The following C11orf65 variants were observed in gnomAD, a reference collection of about 807,000 sequenced individuals.
The protein encoded by C11orf65 is chromosome 11 open reading frame 65.
C11orf65 carries 38 observed loss-of-function variants against 35.3 expected under a neutral mutation model. The observed-to-expected ratio is 1.08, with a 90% CI of 0.83 to 1.41. The LOEUF (loss-of-function observed/expected upper bound fraction) is 1.41, where lower values mean the gene tolerates loss of function less well. Among genes scored for constraint, C11orf65 ranks in the 40% most tolerant of loss-of-function variants. C11orf65 has a pLI of 0.00. For missense variants in C11orf65, 370 were observed against 367.1 expected (o/e 1.01, Z -0.06); for synonymous variants, 105 against 114.4 (o/e 0.92, Z 0.53).
At chr11:108,344,878 C>T (rs975510171) in intron 2 of C11orf65, among the ~76,000 whole-genome samples, 1 of 151,988 alleles carries the variant, frequency 6.6e-6, no homozygotes, top group African/African-American at 2.4e-5. Flanking sequence ...GTGGCACATG[C>T]CTGTAATCCC....
chr11:108,447,594 A>C (rs185984731), intron 2 of C11orf65, among the ~76,000 whole-genome samples: 267 of 152,284 alleles, frequency 1.8e-3, no homozygotes, highest in African/African-American at 6.2e-3. Flanking sequence ...AACGAGAACA[A>C]AGGCACAACA....
At position 108,345,907 on chromosome 11, in the gene C11orf65, T is replaced by G. The variant is rs2137038817; in HGVS notation, c.227-10615A>C. 1 of 1,613,648 alleles carries G rather than the reference T, an allele frequency of 6.2e-7. No homozygotes were observed. ...CGCGCAGTGTAGCTACTTCTTCTAT[T>G]GGTAATCTTCTTGTACATATAGTAG... On this transcript the variant is annotated intron_variant, in intron 2 of 3. Coordinates refer to the C11orf65 transcript ENST00000524755.
intron 3 of C11orf65, among the ~76,000 whole-genome samples, chr11:108,334,479 C>G (rs1352516249): frequency 1.3e-5 from 2 of 152,064 alleles, no homozygotes; most frequent in Non-Finnish European, 2.9e-5. Context: ...TTCATGTGGG[C>G]AGGGATATAT....
At position 108,335,887 on chromosome 11, in the gene C11orf65, T is replaced by G. The variant is rs876659619; in HGVS notation, c.227-595A>C. The stretch of plus-strand genomic sequence containing the variant: ...ACAAGATGCTGTCATGCAACAGGTC[T>G]TCCAGATGTGTAATACATTACTGCA... On this transcript the variant is annotated intron_variant, in intron 2 of 3. Transcript: ENST00000524755. 2.5e-6 allele frequency: 4 copies of G among 1,614,110 alleles called. No homozygotes were observed. The highest frequency in any genetic ancestry group is 3.4e-6 in the Non-Finnish European group (4 of 1,179,982).
rs747900062 is a variant in C11orf65, at chr11:108,406,828, C to T, written c.364G>A (p.Glu122Lys). Reference sequence around the variant, plus strand: ...TGATACCAGCCACTATGATCCTCTTCCTGAAGATGATCATTTTTATTATGA... The same window carrying T: ...TGATACCAGCCACTATGATCCTCTTTCTGAAGATGATCATTTTTATTATGA... ...TSHNKNDHLQ[E>K]EDHSGWYHRI... is the part of the protein sequence containing the mutation. Residue 122 changes from glutamate (E) to lysine (K), a missense_variant, in exon 5 of 9, where the codon GAA becomes AAA. Transcript: ENST00000393084. The T allele has an allele frequency of 1.9e-6, 3 of 1,613,312 alleles. No individual in the cohort carries two copies. Among genetic ancestry groups the T allele is most frequent in the South Asian group, 1.1e-5 (1 of 91,036 alleles).
intron 2 of C11orf65, among the ~76,000 whole-genome samples, chr11:108,446,943 C>T (rs1309817531): frequency 2.0e-5 from 3 of 151,880 alleles, no homozygotes; most frequent in Non-Finnish European, 2.9e-5. Context: ...GGAAGATCTG[C>T]CAAGCAAATG....
chr11:108,395,454 A>G (rs2092284397), intron 6 of C11orf65, among the ~76,000 whole-genome samples: 1 of 151,232 alleles, frequency 6.6e-6, no homozygotes, highest in Non-Finnish European at 1.5e-5. Flanking sequence ...CCTCCCAAGT[A>G]GCTGGGACTA....
At chr11:108,335,311 TATA>T (rs2086716558) in intron 2 of C11orf65, 2 of 1,472,364 alleles carry the variant, frequency 1.4e-6, no homozygotes, top group African/African-American at 2.8e-5. Flanking sequence ...CAATCATTAT[TATA>T]TGGTTGATTC....
chr11:108,451,768 A>C (rs1417714326), intron 2 of C11orf65, among the ~76,000 whole-genome samples: 4 of 152,224 alleles, frequency 2.6e-5, no homozygotes, highest in Non-Finnish European at 1.5e-5. Flanking sequence ...CTACAAGGCT[A>C]CAGTAACCAA....
intron 6 of C11orf65, among the ~76,000 whole-genome samples, chr11:108,323,129 G>A (rs543744732): frequency 6.6e-6 from 1 of 152,218 alleles, no homozygotes; most frequent in African/African-American, 2.4e-5. Context: ...ATATGTTTTG[G>A]AAGTAGAAAA....
At chr11:108,416,104 A>G (rs2092726761) in intron 3 of C11orf65, among the ~76,000 whole-genome samples, 2 of 152,220 alleles carry the variant, frequency 1.3e-5, no homozygotes, top group Admixed American at 1.3e-4. Context: ...AATAGATATG[A>G]CGGACTTCAT....
At chr11:108,459,529 C>A (rs72992174) in intron 2 of C11orf65, among the ~76,000 whole-genome samples, 2,378 of 152,228 alleles carry the variant, frequency 0.016, 30 homozygotes, top group South Asian at 0.028. Flanking sequence ...CTCATTGGAA[C>A]CCCTATGAAA....
intron 2 of C11orf65, among the ~76,000 whole-genome samples, chr11:108,342,780 G>A (rs999450946): frequency 3.9e-5 from 6 of 152,122 alleles, no homozygotes; most frequent in Non-Finnish European, 5.9e-5. Context: ...TAAAGCAAGA[G>A]TACATGTAAT....
At chr11:108,322,005 T>C (rs2085269160) in intron 6 of C11orf65, among the ~76,000 whole-genome samples, 1 of 152,186 alleles carries the variant, frequency 6.6e-6, no homozygotes, top group South Asian at 2.1e-4. Context: ...TGTTTTTGCA[T>C]AGCATGATAA....
chr11:108,372,214 G>A (rs2091592500), intron 2 of C11orf65, among the ~76,000 whole-genome samples: 1 of 149,054 alleles, frequency 6.7e-6, no homozygotes, highest in Non-Finnish European at 1.5e-5. Flanking sequence ...TTCATTCTGA[G>A]ATGGAGTCCC....
At chr11:108,379,689 C>A (rs984308375), downstream of C11orf65, among the ~76,000 whole-genome samples, 4 of 151,266 alleles carry the variant, frequency 2.6e-5, no homozygotes, top group Non-Finnish European at 4.4e-5. Flanking sequence ...TTTAAGTAAC[C>A]CTTACTCAGG....
chr11:108,359,517 C>G (rs1186361297), intron 2 of C11orf65, among the ~76,000 whole-genome samples: 1 of 152,034 alleles, frequency 6.6e-6, no homozygotes, highest in Non-Finnish European at 1.5e-5. Flanking sequence ...CACACCACAC[C>G]TATTCCAAAA....
In C11orf65 at chr11:108,325,582, A is replaced by G. The variant is rs1204933062; in HGVS notation, c.641-16511T>C. On this transcript the variant is annotated intron_variant, in intron 6 of 6. Coordinates refer to the C11orf65 transcript ENST00000525729. ...TAAAACTATGTCATCTTACCTCTTG[A>G]CTTTCCTTTTATTATTTAAAAAACA... The G allele has an allele frequency of 6.0e-6, 9 of 1,507,894 alleles. No individual in the cohort carries two copies. In the African/African-American group the frequency reaches 1.2e-4, roughly 21 times the overall value. The allele number at this position is 1,507,894 out of a possible 1,614,324, so 93.4% of individuals were successfully genotyped here.
intron 6 of C11orf65, among the ~76,000 whole-genome samples, chr11:108,322,067 C>G (rs994174264): frequency 6.6e-6 from 1 of 152,158 alleles, no homozygotes; most frequent in African/African-American, 2.4e-5. Flanking sequence ...TTATCTCTGC[C>G]TTGCTAAACT....
Sources: allele counts gnomAD v4.1 joint callset (sites outside exome capture counted in the v4.1 genomes callset), GRCh38; gene constraint gnomAD v4.1.1; transcripts MANE v1.5; gene names NCBI Gene and HGNC (gene_info 2026-07-23, HGNC 2026-07-21).